Variants in STYXL1 observed in about 807,000 individuals in gnomAD.
STYXL1 encodes serine/threonine/tyrosine-interacting-like protein 1.
Under a neutral mutation model 36.4 loss-of-function variants are expected in STYXL1, and 32 were observed. The observed-to-expected ratio is 0.88, with a 90% CI of 0.66 to 1.18. STYXL1 has a LOEUF of 1.18. Among genes scored for constraint, STYXL1 ranks in the 50% most tolerant of loss-of-function variants. The pLI, the probability that STYXL1 is intolerant of heterozygous loss-of-function variation, is 0.00. For missense variants in STYXL1, 354 were observed against 394.1 expected (o/e 0.90, Z 0.86); for synonymous variants, 133 against 144.1 (o/e 0.92, Z 0.55).
intron 4 of STYXL1, among the ~76,000 whole-genome samples, chr7:76,021,052 T>C (rs1307892393): frequency 6.6e-6 from 1 of 151,950 alleles, no homozygotes; most frequent in African/African-American, 2.4e-5. Context: ...TGTATTGTCC[T>C]AGAATCACAT....
intron 5 of STYXL1, among the ~76,000 whole-genome samples, chr7:76,011,182 C>T (rs1792512013): frequency 6.6e-6 from 1 of 152,188 alleles, no homozygotes; most frequent in Non-Finnish European, 1.5e-5. Flanking sequence ...CCACTGCACT[C>T]CAGCCTGGGC....
intron 3 of STYXL1, among the ~76,000 whole-genome samples, chr7:76,022,692 C>T (rs868975604): frequency 6.6e-6 from 1 of 151,096 alleles, no homozygotes; most frequent in Admixed American, 6.6e-5. Context: ...ACAAAAAACA[C>T]CCCAAAAAAG....
intron 5 of STYXL1, among the ~76,000 whole-genome samples, chr7:76,013,419 G>GTTTGCT (rs1456027944): frequency 6.8e-6 from 1 of 147,222 alleles, no homozygotes; most frequent in Non-Finnish European, 1.5e-5. Context: ...TTTTTTTTTT[G>GTTTGCT]TTTGTTTTTG....
At chr7:76,000,150 G>A (rs1000836996) in intron 8 of STYXL1, among the ~76,000 whole-genome samples, 4 of 145,048 alleles carry the variant, frequency 2.8e-5, no homozygotes, top group South Asian at 2.2e-4. Flanking sequence ...TTCAAGAATC[G>A]CTTGAACCCA....
At chr7:76,000,478 T>G in intron 8 of STYXL1, 1 of 458,110 alleles carries the variant, frequency 2.2e-6, no homozygotes, top group Non-Finnish European at 4.4e-6. Context: ...CCGCCTGGGT[T>G]TGCTGCGATG....
At chr7:76,004,620 A>C (rs1365538363) in intron 6 of STYXL1, among the ~76,000 whole-genome samples, 2 of 149,724 alleles carry the variant, frequency 1.3e-5, no homozygotes, top group Non-Finnish European at 3.0e-5. Flanking sequence ...CAGGAGAATC[A>C]CTTAACCCTG....
intron 5 of STYXL1, among the ~76,000 whole-genome samples, chr7:76,007,125 T>C (rs1791875398): frequency 1.3e-5 from 2 of 152,150 alleles, no homozygotes; most frequent in Admixed American, 6.6e-5. Flanking sequence ...CTAGAGATGA[T>C]TTAAAGTATA....
At chr7:76,027,261 C>T (rs1463503146) in intron 3 of STYXL1, among the ~76,000 whole-genome samples, 1 of 151,418 alleles carries the variant, frequency 6.6e-6, no homozygotes, top group Non-Finnish European at 1.5e-5. Flanking sequence ...GACATGGTGA[C>T]TGTGTGCAGG....
chr7:76,032,387 A>ACC (rs1795459234), intron 1 of STYXL1, among the ~76,000 whole-genome samples: 2 of 124,350 alleles, frequency 1.6e-5, no homozygotes, highest in Non-Finnish European at 3.4e-5. Flanking sequence ...CAACAGAGTG[A>ACC]GACCCTGTCT....
chr7:76,010,979 C>T (rs1264156066), intron 5 of STYXL1, among the ~76,000 whole-genome samples: 1 of 152,134 alleles, frequency 6.6e-6, no homozygotes, highest in Non-Finnish European at 1.5e-5. Context: ...CTTTGAGAGG[C>T]CAAGGCAGGA....
chr7:76,005,357 C>T lies in STYXL1; in HGVS notation c.501G>A (p.Lys167=), dbSNP rs1791538580. The T allele has an allele frequency of 6.2e-7, 1 of 1,613,310 alleles. No individual in the cohort carries two copies. Among genetic ancestry groups the T allele is most frequent in the Non-Finnish European group, 8.5e-7 (1 of 1,179,540 alleles). ...CTTGACTGAAATTGCCAACGAAGAC[C>T]TTCCCTGGCACGATTTCAATGGGGT... ...QPYPIEIVPG[K]VFVGNFSQAC... The change falls in exon 6 of 9, where the codon AAG becomes AAA. Residue 167 remains lysine (K), a synonymous_variant. Coordinates refer to ENST00000359697, the MANE Select transcript of STYXL1 (RefSeq NM_001317785.2).
At chr7:76,044,681 A>G in intron 1 of STYXL1, 1 of 152,174 alleles carries the variant, frequency 6.6e-6, no homozygotes, top group Non-Finnish European at 1.5e-5. Context: ...TCAATCCCAC[A>G]GTTCCTTTTT....
At position 76,038,872 on chromosome 7, in the gene STYXL1, AAACTCCTGGG is replaced by A. The variant is rs1796205267; in HGVS notation, c.-4-8355_-4-8346del. On this transcript the variant is annotated intron_variant, in intron 1 of 8. Coordinates refer to ENST00000359697, the MANE Select transcript of STYXL1 (RefSeq NM_001317785.2). ...CGCGATCGTCACTCACTGCAGCCTC[AAACTCCTGGG>A]CTCAAGTGAGCCTCCCACCTCAGCC... 2.0e-5 allele frequency among the ~76,000 whole-genome samples: 3 copies of A among 148,594 alleles called. 1 individual carries two copies. The highest frequency in any genetic ancestry group is 7.8e-5 in the African/African-American group (3 of 38,346).
intron 3 of STYXL1, among the ~76,000 whole-genome samples, chr7:76,023,292 T>G (rs1164634425): frequency 2.0e-5 from 3 of 152,032 alleles, no homozygotes; most frequent in African/African-American, 7.2e-5. Context: ...GAGACACCTT[T>G]CTTCTAATTC....
intron 3 of STYXL1, among the ~76,000 whole-genome samples, chr7:76,027,238 C>T (rs1052095429): frequency 5.3e-5 from 8 of 151,624 alleles, no homozygotes; most frequent in Non-Finnish European, 1.2e-4. Flanking sequence ...GAAAAGGTTT[C>T]GCTGCAGTAG....
Position 76,003,807 on chromosome 7 carries a change from G to C in STYXL1, c.648C>G (p.Ser216=). The C allele has an allele frequency of 6.2e-7, 1 of 1,614,202 alleles. No individual in the cohort carries two copies. Among genetic ancestry groups the C allele is most frequent in the African/African-American group, 1.3e-5 (1 of 75,056 alleles). ...DKLLHIRIED[S]PEAQILPFLR... is the part of the protein sequence containing the mutation. ...AGAAGGGAAGAATCTGGGCTTCCGG[G>C]GAATCTTCTATCCGGATGTGCAGAA... Residue 216 remains serine, a synonymous_variant, in exon 7 of 9, where the codon TCC becomes TCG. Transcript: ENST00000359697.
Position 76,021,880 on chromosome 7 carries a change from T to A in STYXL1, c.278A>T (p.Asp93Val). The A allele has an allele frequency of 6.2e-7, 1 of 1,613,688 alleles. No homozygotes were observed. The highest frequency in any genetic ancestry group is 1.1e-5 in the South Asian group (1 of 91,072). Reference sequence around the variant, plus strand: ...GCCATCACCATCAGAGTCTGAATCATCATCATCATCTTTTAAGAGTATCTC... The same window carrying A: ...GCCATCACCATCAGAGTCTGAATCAACATCATCATCTTTTAAGAGTATCTC... Reference protein sequence around the residue: ...TLEILLKDDDDDSDSDGDGKD... With the variant: ...TLEILLKDDDVDSDSDGDGKD... Residue 93 changes from aspartate (D) to valine (V), a missense_variant, in exon 4 of 9, where the codon GAT becomes GTT. Coordinates refer to ENST00000359697, the MANE Select transcript of STYXL1 (RefSeq NM_001317785.2).
chr7:76,030,850 TAAAAA>T (rs1160725857), intron 1 of STYXL1, among the ~76,000 whole-genome samples: 1 of 57,082 alleles, frequency 1.8e-5, no homozygotes, highest in Non-Finnish European at 3.2e-5. Context: ...CCATCTCTAC[TAAAAA>T]AAAAAAAAAA....
chr7:76,028,839 G>A, intron 2 of STYXL1, 136 bp from the exon 3 acceptor site: 1 of 798,822 alleles, frequency 1.3e-6, no homozygotes, highest in East Asian at 2.7e-5. Context: ...AACTTGAGAT[G>A]TGGGGCTGGG....
Sources: gnomAD v4.1 joint callset for allele counts (sites outside exome capture counted in the v4.1 genomes callset) on GRCh38, gnomAD v4.1.1 for gene constraint, MANE v1.5 for transcripts, NCBI Gene and HGNC (gene_info 2026-07-23, HGNC 2026-07-21) for gene names.